Variants in MTM1 observed in about 807,000 individuals in gnomAD.
MTM1 encodes myotubularin.
MTM1 carries 9 observed loss-of-function variants against 52.1 expected under a neutral mutation model. The ratio of observed to expected loss-of-function variants is 0.17; its 90% CI spans 0.10 to 0.30. The LOEUF (loss-of-function observed/expected upper bound fraction) is 0.30, where lower values mean the gene tolerates loss of function less well. MTM1 is among the 10% of genes least tolerant of loss of function. MTM1 has a pLI of 1.00. For synonymous variants in MTM1, 136 were observed against 163.8 expected, an observed-to-expected ratio of 0.83 and a Z score of 1.29; for missense variants, 277 against 470.7, an observed-to-expected ratio of 0.59 and a Z score of 3.81.
At chrX:150,590,275 C>T (rs2038860322) in intron 1 of MTM1, among the ~76,000 whole-genome samples, 5 of 112,201 alleles carry the variant, frequency 4.5e-5, no homozygotes. Flanking sequence ...TTGGATTTCT[C>T]GGATGTATAC....
At chrX:150,576,431 A>G (rs1451953049) in intron 1 of MTM1, among the ~76,000 whole-genome samples, 1 of 111,065 alleles carries the variant, frequency 9.0e-6, no homozygotes, top group African/African-American at 3.3e-5. Context: ...TTTTTTCTTT[A>G]TTAGTCTAAC....
intron 1 of MTM1, among the ~76,000 whole-genome samples, chrX:150,581,235 C>T (rs1250795955): frequency 3.6e-5 from 4 of 111,680 alleles, no homozygotes; most frequent in African/African-American, 1.3e-4. Context: ...CTTTAAATTC[C>T]AAAGGCAGTT....
At chrX:150,637,516 C>T (rs1381150395) in intron 6 of MTM1, among the ~76,000 whole-genome samples, 1 of 111,402 alleles carries the variant, frequency 9.0e-6, no homozygotes, top group Non-Finnish European at 1.9e-5. Flanking sequence ...TCATGGAGCC[C>T]ATGTCCTAGG....
intron 10 of MTM1, among the ~76,000 whole-genome samples, chrX:150,650,760 C>T (rs782659202): frequency 1.3e-4 from 15 of 111,499 alleles, no homozygotes; most frequent in East Asian, 2.8e-4. Context: ...CCTTCCCTCT[C>T]GTATCTATTC....
intron 1 of MTM1, 41 bp from the exon 2 acceptor site, chrX:150,592,564 A>T: frequency 2.0e-6 from 2 of 1,023,712 alleles, no homozygotes; most frequent in Non-Finnish European, 2.8e-6. Context: ...TTGAAATTGC[A>T]TACAAATTCA....
At chrX:150,613,251 A>G (rs2039323372) in intron 4 of MTM1, among the ~76,000 whole-genome samples, 1 of 111,914 alleles carries the variant, frequency 8.9e-6, no homozygotes, top group African/African-American at 3.2e-5. Flanking sequence ...TTTCAAACTT[A>G]TCTATCACAA....
intron 3 of MTM1, among the ~76,000 whole-genome samples, chrX:150,597,953 G>A (rs990333334): frequency 2.7e-5 from 3 of 110,758 alleles, no homozygotes; most frequent in Admixed American, 9.7e-5. Flanking sequence ...TGGGTGCAGT[G>A]GCGCATACCC....
intron 7 of MTM1, among the ~76,000 whole-genome samples, chrX:150,640,233 CT>C (rs781821489): frequency 1.8e-5 from 2 of 111,761 alleles, no homozygotes; most frequent in East Asian, 5.6e-4. Context: ...AACATTAAGA[CT>C]TTTTTTTAGT....
intron 1 of MTM1, among the ~76,000 whole-genome samples, chrX:150,588,349 A>G (rs192775697): frequency 1.8e-5 from 2 of 112,028 alleles, no homozygotes; most frequent in African/African-American, 3.2e-5. Flanking sequence ...ACTCAGGGCC[A>G]TTGATCTCAA....
intron 2 of MTM1, among the ~76,000 whole-genome samples, chrX:150,595,285 A>AC (rs1170126330): frequency 9.0e-6 from 1 of 110,739 alleles, no homozygotes; most frequent in Non-Finnish European, 1.9e-5. Flanking sequence ...ACATGGTGAA[A>AC]CCCCGTCTCT....
At position 150,671,855 on chromosome X, in the gene MTM1, A is replaced by G. The variant is rs2040402495; in HGVS notation, c.*260A>G. The G allele has an allele frequency of 2.6e-6, 1 of 389,268 alleles. No individual in the cohort carries two copies. The highest frequency in any genetic ancestry group is 4.5e-6 in the Non-Finnish European group (1 of 224,688). 32.1% of individuals were successfully genotyped at this position (389,268 alleles called of 1,213,427 possible). A position where few individuals can be genotyped will look rare whatever the true frequency, so the allele number is the denominator to read the frequency against. ...TAAAAAGCAGTTTTTGAAAGACAAA[A>G]TTTAGATTTAATTTACGTCTTGAGA... On this transcript the variant is annotated 3_prime_UTR_variant, in exon 15 of 15. Coordinates refer to ENST00000370396, the MANE Select transcript of MTM1 (RefSeq NM_000252.3).
At chrX:150,663,664 A>G in intron 14 of MTM1, 55 bp downstream of exon 14, 1 of 1,084,496 alleles carries the variant, frequency 9.2e-7, no homozygotes, top group Non-Finnish European at 1.3e-6. Context: ...GCCTTAGATA[A>G]TGTTATTTGG....
At chrX:150,600,771 G>T (rs2039055022) in intron 4 of MTM1, among the ~76,000 whole-genome samples, 2 of 112,153 alleles carry the variant, frequency 1.8e-5, no homozygotes, top group Non-Finnish European at 3.8e-5. Context: ...GCTAATATAT[G>T]TGAGAATTAT....
chrX:150,654,209 ATACT>A (rs2040074646), intron 10 of MTM1, among the ~76,000 whole-genome samples: 1 of 112,236 alleles, frequency 8.9e-6, no homozygotes, highest in Non-Finnish European at 1.9e-5. Context: ...GTGGGAATTA[ATACT>A]TAATTGGAAC....
At chrX:150,644,337 G>A (rs1269153361) in intron 8 of MTM1, among the ~76,000 whole-genome samples, 1 of 110,626 alleles carries the variant, frequency 9.0e-6, no homozygotes, top group African/African-American at 3.3e-5. Context: ...AGGTCCCACT[G>A]GTACCTTCTC....
intron 6 of MTM1, among the ~76,000 whole-genome samples, chrX:150,629,881 A>G (rs222387): frequency 0.25 from 27,271 of 110,171 alleles, 4,500 homozygotes; most frequent in African/African-American, 0.6. Flanking sequence ...TATACACTTA[A>G]CTGATTCACA....
chrX:150,644,630 C>T (rs1443093888), intron 8 of MTM1, among the ~76,000 whole-genome samples: 1 of 111,461 alleles, frequency 9.0e-6, no homozygotes, highest in Non-Finnish European at 1.9e-5. Context: ...TTCTTTGTAT[C>T]TGCATTTTGT....
chrX:150,600,815 G>A (rs1557412731), intron 4 of MTM1, among the ~76,000 whole-genome samples: 1 of 111,898 alleles, frequency 8.9e-6, no homozygotes, highest in Non-Finnish European at 1.9e-5. Flanking sequence ...GGTCCCTTTT[G>A]CTGCTTGTAC....
upstream of MTM1, among the ~76,000 whole-genome samples, chrX:150,567,359 CTA>C (rs1188822597): frequency 9.0e-6 from 1 of 111,051 alleles, no homozygotes; most frequent in Non-Finnish European, 1.9e-5. Context: ...ATGTGTGTGA[CTA>C]TGTAGAAACA....
Sources: allele counts gnomAD v4.1 joint callset (sites outside exome capture counted in the v4.1 genomes callset), GRCh38; gene constraint gnomAD v4.1.1; transcripts MANE v1.5; gene names NCBI Gene and HGNC (gene_info 2026-07-23, HGNC 2026-07-21).